CCNDBP1: variants seen among roughly 807,000 people sequenced by gnomAD.
CCNDBP1 encodes the protein cyclin-D1-binding protein 1.
A neutral mutation model predicts 46.2 loss-of-function variants in CCNDBP1; 45 were observed. That is an observed-to-expected ratio of 0.97 (90% CI 0.77 to 1.25). CCNDBP1 has a LOEUF of 1.25. CCNDBP1 is among the 50% of genes most tolerant of loss of function. CCNDBP1 has a pLI of 0.00. For synonymous variants in CCNDBP1, 154 were observed against 163.6 expected, an observed-to-expected ratio of 0.94 and a Z score of 0.45; for missense variants, 436 against 442.1, an observed-to-expected ratio of 0.99 and a Z score of 0.12.
Position 43,185,498 on chromosome 15 carries a change from G to C in CCNDBP1, c.-1G>C. The stretch of plus-strand genomic sequence containing the variant: ...TTTGCGGCCTTCGGCAAGCGACTGA[G>C]ATGGCGAGCGCAACTGCACCTGCAG... On this transcript the variant is annotated 5_prime_UTR_variant, in exon 1 of 11. Transcript: ENST00000300213. The C allele has an allele frequency of 6.3e-7, 1 of 1,587,196 alleles. No individual in the cohort carries two copies. The highest frequency in any genetic ancestry group is 8.5e-7 in the Non-Finnish European group (1 of 1,170,424).
chr15:43,186,345 C>A, intron 3 of CCNDBP1, 112 bp downstream of exon 3: 2 of 835,276 alleles, frequency 2.4e-6, no homozygotes, highest in Non-Finnish European at 3.9e-6. Context: ...CTTCATCTGT[C>A]CAGTGAGGTT....
Position 43,186,232 on chromosome 15 carries a change from A to G in CCNDBP1, c.248A>G (p.Gln83Arg). 6.2e-7 allele frequency: 1 copy of G among 1,613,112 alleles called. No homozygotes were observed. Among genetic ancestry groups the G allele is most frequent in the Non-Finnish European group, 8.5e-7 (1 of 1,179,106 alleles). The change falls in exon 3 of 11, where the codon CAG (glutamine) becomes CGG (arginine). Residue 83 changes from glutamine (Q) to arginine (R), a missense_variant and splice_region_variant. Gln to Arg is a conservative substitution (Grantham distance 43). Coordinates refer to ENST00000300213, the MANE Select transcript of CCNDBP1 (RefSeq NM_012142.5). Reference sequence around the variant, plus strand: ...TCTCAGCTTCCACTGCCGTCTCCACAGGTGGGCTTCACTTTCGTGGAATCC... The same window carrying G: ...TCTCAGCTTCCACTGCCGTCTCCACGGGTGGGCTTCACTTTCGTGGAATCC... ...VFSQLPLPSPQETQKFCEQVH... is the reference protein window; with the variant it reads ...VFSQLPLPSPRETQKFCEQVH...
chr15:43,186,304 C>A, intron 3 of CCNDBP1, 71 bp downstream of exon 3: 2 of 1,198,132 alleles, frequency 1.7e-6, no homozygotes, highest in Non-Finnish European at 2.4e-6. Context: ...TTTCTTTCCA[C>A]CTTTTGCACG....
At chr15:43,189,526 C>G (rs2041914990) in intron 4 of CCNDBP1, 1 of 432,436 alleles carries the variant, frequency 2.3e-6, no homozygotes, top group Non-Finnish European at 4.1e-6. Flanking sequence ...TTCTCACAGC[C>G]TTCTCCCTCT....
chr15:43,186,244 C>CT lies in CCNDBP1; in HGVS notation c.249+14dup, dbSNP rs759585200. ...CTGCCGTCTCCACAGGTGGGCTTCA[C>CT]TTTCGTGGAATCCTTGGGCTGCCGA... On this transcript the variant is annotated intron_variant, in intron 3 of 10. Coordinates refer to ENST00000300213, the MANE Select transcript of CCNDBP1 (RefSeq NM_012142.5). 8.1e-6 allele frequency: 13 copies of CT among 1,611,290 alleles called. No individual in the cohort carries two copies. Among genetic ancestry groups the CT allele is most frequent in the South Asian group, 1.1e-5 (1 of 90,964 alleles).
Position 43,185,589 on chromosome 15 carries a change from C to A in CCNDBP1, c.91C>A (p.Leu31Ile). The A allele has an allele frequency of 6.4e-7, 1 of 1,572,790 alleles. No homozygotes were observed. The highest frequency in any genetic ancestry group is 1.2e-5 in the South Asian group (1 of 86,350). Residue 31 changes from leucine (L) to isoleucine (I), a missense_variant, in exon 1 of 11, where the codon CTC becomes ATC. By Grantham distance (5) the Leu-to-Ile change is conservative (BLOSUM62 2). Transcript: ENST00000300213. ...GCACTTGGCGGAGGAGCTGCGGTTGCTCCTGCCTCGAGTGCGGGGTGAGCT... is the reference window on the plus strand; with the variant it reads ...GCACTTGGCGGAGGAGCTGCGGTTGATCCTGCCTCGAGTGCGGGGTGAGCT... ...LRHLAEELRL[L>I]LPRVRVGEAQ...
At chr15:43,190,816 G>A in intron 6 of CCNDBP1, 150 bp from the exon 7 acceptor site, 1 of 626,146 alleles carries the variant, frequency 1.6e-6, no homozygotes, top group South Asian at 1.9e-5. Flanking sequence ...GATACCAGGG[G>A]ATGTAGTGAG....
intron 1 of CCNDBP1, 70 bp downstream of exon 1, chr15:43,185,677 G>A (rs1212265265): frequency 5.0e-6 from 7 of 1,386,824 alleles, no homozygotes; most frequent in African/African-American, 1.5e-5. Context: ...CGGGCTCGGG[G>A]TCGGGGAGAG....
At position 43,197,177 on chromosome 15, in the gene CCNDBP1, A is replaced by G. The variant is rs896092891; in HGVS notation, c.*2336A>G. ...AAATAAAGCTCTTTTCTTTTAAACTACCCAGCCTCAGTTATTCCTTTATAG... is the reference window on the plus strand; with the variant it reads ...AAATAAAGCTCTTTTCTTTTAAACTGCCCAGCCTCAGTTATTCCTTTATAG... On this transcript the variant is annotated 3_prime_UTR_variant, in exon 11 of 11. Coordinates refer to ENST00000300213, the MANE Select transcript of CCNDBP1 (RefSeq NM_012142.5). The G allele has an allele frequency of 7.3e-7, 1 of 1,360,952 alleles. No homozygotes were observed. The highest frequency in any genetic ancestry group is 1.0e-6 in the Non-Finnish European group (1 of 971,122). The allele number at this position is 1,360,952 out of a possible 1,614,324, so 84.3% of individuals were successfully genotyped here.
chr15:43,196,760 T>G lies in CCNDBP1; in HGVS notation c.*1919T>G, dbSNP rs1327297792. ...AAAACCTGAACCTGAACAATCTGAA[T>G]GTACTCCTTAAAGGTATCTGAGCAC... On this transcript the variant is annotated 3_prime_UTR_variant, in exon 11 of 11. Transcript: ENST00000300213. 1 of 172,878 alleles carries G rather than the reference T, an allele frequency of 5.8e-6. No homozygotes were observed. Among genetic ancestry groups the G allele is most frequent in the African/African-American group, 2.4e-5 (1 of 41,764 alleles). The allele number at this position is 172,878 out of a possible 1,614,324, so 10.7% of individuals were successfully genotyped here. A position where few individuals can be genotyped will look rare whatever the true frequency, so the allele number is the denominator to read the frequency against.
In CCNDBP1 at chr15:43,197,134, C is replaced by T. The variant is rs1205856999; in HGVS notation, c.*2293C>T. On this transcript the variant is annotated 3_prime_UTR_variant, in exon 11 of 11. Transcript: ENST00000300213. ...GAAGCCCTCACTGTTTCTTGTACAG[C>T]CTGCAGAGCCGTGAGCCAAATAAAG... The T allele has an allele frequency of 3.4e-6, 3 of 895,128 alleles. No individual in the cohort carries two copies. Among genetic ancestry groups the T allele is most frequent in the Non-Finnish European group, 3.5e-6 (2 of 576,388 alleles). 55.4% of individuals were successfully genotyped at this position (895,128 alleles called of 1,614,324 possible).
chr15:43,192,622 A>T (rs2041971862), intron 8 of CCNDBP1, 121 bp from the exon 9 acceptor site: 8 of 873,984 alleles, frequency 9.2e-6, no homozygotes, highest in Non-Finnish European at 1.5e-5. Flanking sequence ...CCAGTTGCCC[A>T]ATTTTAAAAA....
At chr15:43,193,110 A>C in intron 9 of CCNDBP1, 1 of 308,070 alleles carries the variant, frequency 3.2e-6, no homozygotes, top group African/African-American at 2.1e-5. Context: ...TAATCCCAGC[A>C]CTCCAGGAGG....
Position 43,195,408 on chromosome 15 carries a change from T to C in CCNDBP1, c.*567T>C, listed in dbSNP as rs2042026069. ...TATCAGCAAGTCCTTCTGAATATTA[T>C]CACAGATTACTCCATGTCTCTAAAA... On this transcript the variant is annotated 3_prime_UTR_variant, in exon 11 of 11. Transcript: ENST00000300213. 6.6e-6 allele frequency: 1 copy of C among 152,320 alleles called. No homozygotes were observed. Among genetic ancestry groups the C allele is most frequent in the Admixed American group, 6.5e-5 (1 of 15,292 alleles). 9.4% of individuals were successfully genotyped at this position (152,320 alleles called of 1,614,324 possible).
intron 9 of CCNDBP1, among the ~76,000 whole-genome samples, chr15:43,193,703 CAAATGGCTTATATTTTACAATTGAATG>C (rs1258666865): frequency 6.6e-6 from 1 of 152,028 alleles, no homozygotes; most frequent in Non-Finnish European, 1.5e-5. Flanking sequence ...GTAAAACTGC[CAAATGGCTTATATTTTACAATTGAATG>C]TATCAATTCT....
At chr15:43,194,268 C>G (rs1362839128) in intron 9 of CCNDBP1, 147 bp from the exon 10 acceptor site, 1 of 565,876 alleles carries the variant, frequency 1.8e-6, no homozygotes, top group Non-Finnish European at 3.0e-6. Context: ...TCCTGCCACC[C>G]TAACCTAATC....
At chr15:43,189,120 G>GAAAAA in intron 3 of CCNDBP1, 79 bp from the exon 4 acceptor site, 2 of 275,426 alleles carry the variant, frequency 7.3e-6, no homozygotes, top group Non-Finnish European at 1.4e-5. Context: ...AGAAAGAAAA[G>GAAAAA]AAAAAGAAAA....
intron 2 of CCNDBP1, 35 bp downstream of exon 2, chr15:43,185,914 A>G: frequency 1.3e-6 from 2 of 1,592,432 alleles, no homozygotes; most frequent in Non-Finnish European, 1.7e-6. Flanking sequence ...CCCTTGCCTC[A>G]GTTCCTCCAG....
chr15:43,191,670 C>T lies in CCNDBP1; in HGVS notation c.855C>T (p.Ser285=). The T allele has an allele frequency of 6.2e-7, 1 of 1,602,416 alleles. No individual in the cohort carries two copies. Among genetic ancestry groups the T allele is most frequent in the Non-Finnish European group, 8.5e-7 (1 of 1,179,074 alleles). ...TTGTGGATATTTCTGATGAAATCAG[C>T]CCTAGGTAAGCGGGATCCCCACTTG... ...DDIVDISDEI[S]PSVDDLALSI... Residue 285 remains serine (S), a synonymous_variant, in exon 8 of 11, where the codon AGC becomes AGT. Transcript: ENST00000300213.
Sources: gnomAD v4.1 joint callset for allele counts (sites outside exome capture counted in the v4.1 genomes callset) on GRCh38, gnomAD v4.1.1 for gene constraint, MANE v1.5 for transcripts, NCBI Gene and HGNC (gene_info 2026-07-23, HGNC 2026-07-21) for gene names.